TRIM49C: variants seen among roughly 807,000 people sequenced by gnomAD.
The protein encoded by TRIM49C is tripartite motif-containing protein 49C.
A neutral mutation model predicts 21.4 loss-of-function variants in TRIM49C; 6 were observed. That is an observed-to-expected ratio of 0.28 (90% CI 0.15 to 0.55). The LOEUF (loss-of-function observed/expected upper bound fraction) is 0.55, where lower values mean the gene tolerates loss of function less well. TRIM49C is among the 20% of genes least tolerant of loss of function. The pLI is 0.94. For missense variants in TRIM49C, 161 were observed against 442.4 expected, an observed-to-expected ratio of 0.36 and a Z score of 5.71; for synonymous variants, 57 against 148.1, an observed-to-expected ratio of 0.38 and a Z score of 4.47.
chr11:90,063,149 G>A, the TRIM49C span: 5 of 543,644 alleles, frequency 9.2e-6, 2 homozygotes, highest in Non-Finnish European at 1.6e-5. Context: ...TACAAACTGA[G>A]ACATAGTAAA....
the TRIM49C span, among the ~76,000 whole-genome samples, chr11:90,053,906 G>A: frequency 7.0e-6 from 1 of 143,836 alleles, no homozygotes; most frequent in Non-Finnish European, 1.5e-5. Flanking sequence ...AATTTTCTTA[G>A]GACATTGATA....
At chr11:90,071,695 G>A in the TRIM49C span, 8 of 1,266,912 alleles carry the variant, frequency 6.3e-6, 1 homozygote, top group Non-Finnish European at 8.8e-6. Flanking sequence ...CTTCCTTGCA[G>A]GAGTGAGTCC....
downstream of TRIM49C, among the ~76,000 whole-genome samples, chr11:90,046,079 C>A (rs1289849000): frequency 1.6e-5 from 2 of 121,846 alleles, 1 homozygote; most frequent in Non-Finnish European, 3.4e-5. Context: ...TGCTGGATTA[C>A]ATTTATTGAT....
the TRIM49C span, among the ~76,000 whole-genome samples, chr11:90,058,404 ATCT>A: frequency 7.9e-6 from 1 of 126,498 alleles, no homozygotes; most frequent in Non-Finnish European, 1.7e-5. Flanking sequence ...CAATAGAAAA[ATCT>A]TCTTGTATTA....
At chr11:90,042,620 T>G (rs1950778321), downstream of TRIM49C, among the ~76,000 whole-genome samples, 1 of 120,386 alleles carries the variant, frequency 8.3e-6, no homozygotes, top group South Asian at 3.1e-4. Context: ...AATACCAAAA[T>G]TTAAAGACAC....
chr11:90,051,875 G>T, the TRIM49C span: 15 of 450,042 alleles, frequency 3.3e-5, 2 homozygotes, highest in Non-Finnish European at 5.9e-5. Context: ...CGCTTCTCCT[G>T]CACCTTGGCC....
At chr11:90,071,130 C>G in the TRIM49C span, 16 of 493,094 alleles carry the variant, frequency 3.2e-5, 3 homozygotes, top group African/African-American at 8.1e-5. Flanking sequence ...CGTTTTCTCT[C>G]TCTCTCTCTC....
At chr11:90,040,944 T>C (rs1950763135) in intron 7 of TRIM49C, 107 bp from the exon 8 acceptor site, 1 of 1,447,152 alleles carries the variant, frequency 6.9e-7, no homozygotes, top group African/African-American at 1.4e-5. Context: ...AAGCAAAACT[T>C]TTTATGACTT....
At chr11:90,064,071 T>C in the TRIM49C span, among the ~76,000 whole-genome samples, 2 of 134,498 alleles carry the variant, frequency 1.5e-5, no homozygotes, top group African/African-American at 2.8e-5. Flanking sequence ...TATTCTATAC[T>C]CCCTGCCTCC....
Position 90,033,932 on chromosome 11 carries a change from G to A in TRIM49C, c.-4-1276G>A, listed in dbSNP as rs1281477996. On this transcript the variant is annotated intron_variant, in intron 2 of 7. Transcript: ENST00000448984. ...CTGCATTTCAGCCTGCGTGACAGAAGGATACTCTGTCTCAAAAAAAAAAAC... is the reference window on the plus strand; with the variant it reads ...CTGCATTTCAGCCTGCGTGACAGAAAGATACTCTGTCTCAAAAAAAAAAAC... Among the ~76,000 whole-genome samples, 5 of 119,132 alleles carry A rather than the reference G, an allele frequency of 4.2e-5. 1 individual carries two copies. The highest frequency in any genetic ancestry group is 1.0e-4 in the African/African-American group (3 of 29,122). The allele number at this position is 119,132 out of a possible 152,430, so 78.2% of individuals were successfully genotyped here. A position where few individuals can be genotyped will look rare whatever the true frequency, so the allele number is the denominator to read the frequency against.
downstream of TRIM49C, among the ~76,000 whole-genome samples, chr11:90,045,788 C>T (rs1419119818): frequency 2.5e-5 from 3 of 119,392 alleles, no homozygotes; most frequent in African/African-American, 3.4e-5. Context: ...GCCTGATTGC[C>T]CTGGCCAGAA....
chr11:90,073,249 G>A, the TRIM49C span: 3 of 1,025,476 alleles, frequency 2.9e-6, no homozygotes, highest in African/African-American at 4.9e-5. Flanking sequence ...AGAAACCTCT[G>A]GTCCGAGTTG....
At chr11:90,042,361 C>T (rs1950776588), downstream of TRIM49C, among the ~76,000 whole-genome samples, 1 of 132,270 alleles carries the variant, frequency 7.6e-6, no homozygotes, top group Non-Finnish European at 1.6e-5. Flanking sequence ...ATTATGCAAA[C>T]CAGTAGTGGA....
At chr11:90,070,041 CAGA>C in the TRIM49C span, among the ~76,000 whole-genome samples, 1 of 125,698 alleles carries the variant, frequency 8.0e-6, no homozygotes, top group Non-Finnish European at 1.6e-5. Context: ...TTGTTAGAAT[CAGA>C]AGATCTGGGG....
At chr11:90,045,153 G>A (rs1181113139), downstream of TRIM49C, among the ~76,000 whole-genome samples, 2 of 137,836 alleles carry the variant, frequency 1.5e-5, no homozygotes, top group Non-Finnish European at 3.1e-5. Flanking sequence ...TTCGGTACCA[G>A]TCCGATGCTG....
rs1256483915 is a variant in TRIM49C, at chr11:90,039,521, C to G, written c.762-344C>G. ...AGAAGGAAGCAGTGGATGCATCAGT[C>G]TCCCCAAAACCCCGCTATTTCAGAC... On this transcript the variant is annotated intron_variant, in intron 6 of 7. Transcript: ENST00000448984. Among the ~76,000 whole-genome samples, 2 of 131,752 alleles carry G rather than the reference C, an allele frequency of 1.5e-5. 1 individual carries two copies. The highest frequency in any genetic ancestry group is 1.8e-4 in the Admixed American group (2 of 11,328). The allele number at this position is 131,752 out of a possible 152,430, so 86.4% of individuals were successfully genotyped here.
chr11:90,034,127 G>A (rs1212036664), intron 2 of TRIM49C, among the ~76,000 whole-genome samples: 3 of 117,928 alleles, frequency 2.5e-5, no homozygotes, highest in Admixed American at 1.9e-4. Flanking sequence ...TGAGAATACC[G>A]GTATCCTGGC....
At position 90,034,483 on chromosome 11, in the gene TRIM49C, G is replaced by A. The variant is rs964005928; in HGVS notation, c.-4-725G>A. Among the ~76,000 whole-genome samples the A allele has an allele frequency of 2.4e-4, 29 of 120,722 alleles. 4 individuals carry two copies. The highest frequency in any genetic ancestry group is 9.5e-4 in the African/African-American group (28 of 29,414). 79.2% of individuals were successfully genotyped at this position (120,722 alleles called of 152,430 possible). On this transcript the variant is annotated intron_variant, in intron 2 of 7. Coordinates refer to ENST00000448984, the MANE Select transcript of TRIM49C (RefSeq NM_001195234.1). ...AGTTCAGAGCTTGCACAGCCCTAGGGGAAGTTAATTTAATCCGCAAGAAAA... is the reference window on the plus strand; with the variant it reads ...AGTTCAGAGCTTGCACAGCCCTAGGAGAAGTTAATTTAATCCGCAAGAAAA...
At chr11:90,037,075 GTATGTA>G (rs1203926597) in intron 4 of TRIM49C, among the ~76,000 whole-genome samples, 8 of 96 alleles carry the variant, frequency 0.083, 1 homozygote, top group Admixed American at 0.25. Context: ...GTGTATATAT[GTATGTA>G]TGTATGTATG....
Sources: gnomAD v4.1 joint callset for allele counts (sites outside exome capture counted in the v4.1 genomes callset) on GRCh38, gnomAD v4.1.1 for gene constraint, MANE v1.5 for transcripts, NCBI Gene and HGNC (gene_info 2026-07-23, HGNC 2026-07-21) for gene names.